Variants in IGSF21 observed in about 807,000 individuals in gnomAD.
IGSF21 encodes immunoglobin superfamily member 21.
A neutral mutation model predicts 46.8 loss-of-function variants in IGSF21; 28 were observed. The observed-to-expected ratio is 0.60, with a 90% CI of 0.44 to 0.82. IGSF21 has a LOEUF of 0.82. Among genes scored for constraint, IGSF21 ranks in the 40% least tolerant of loss-of-function variants. The pLI is 0.00. For missense variants in IGSF21, 624 were observed against 665.5 expected, an observed-to-expected ratio of 0.94 and a Z score of 0.69; for synonymous variants, 284 against 273.6, an observed-to-expected ratio of 1.04 and a Z score of -0.38.
chr1:18,301,465 G>A (rs572715150), intron 3 of IGSF21, among the ~76,000 whole-genome samples: 4 of 152,160 alleles, frequency 2.6e-5, no homozygotes, highest in African/African-American at 4.8e-5. Context: ...TCAGCCTCCC[G>A]AGTAGCTGGG....
At chr1:18,329,814 C>T (rs2085694496) in intron 3 of IGSF21, among the ~76,000 whole-genome samples, 1 of 152,234 alleles carries the variant, frequency 6.6e-6, no homozygotes, top group Non-Finnish European at 1.5e-5. Flanking sequence ...AGGTGGATGG[C>T]CCACAGCCCT....
chr1:18,272,542 C>T (rs752729224), intron 2 of IGSF21, among the ~76,000 whole-genome samples: 23 of 152,246 alleles, frequency 1.5e-4, no homozygotes, highest in Non-Finnish European at 2.5e-4. Flanking sequence ...CGCACTTCCA[C>T]TGTTGTCATC....
chr1:18,253,066 T>C (rs574563198), intron 2 of IGSF21, among the ~76,000 whole-genome samples: 1 of 152,092 alleles, frequency 6.6e-6, no homozygotes, highest in Non-Finnish European at 1.5e-5. Context: ...CTGTGTCACC[T>C]TGTAAAAGCC....
chr1:18,195,586 TGTC>T (rs149438206), intron 1 of IGSF21, among the ~76,000 whole-genome samples: 16,351 of 152,232 alleles, frequency 0.11, 1,296 homozygotes, highest in Admixed American at 0.28. Flanking sequence ...CCAGCCCTGT[TGTC>T]TGTGCCTCTC....
intron 1 of IGSF21, among the ~76,000 whole-genome samples, chr1:18,159,066 C>T (rs988002808): frequency 2.0e-5 from 3 of 152,136 alleles, no homozygotes; most frequent in East Asian, 1.9e-4. Flanking sequence ...TGGGTTTGGT[C>T]GCCTCTCTGC....
intron 2 of IGSF21, among the ~76,000 whole-genome samples, chr1:18,289,681 G>T (rs1366179455): frequency 6.6e-6 from 1 of 152,184 alleles, no homozygotes; most frequent in Non-Finnish European, 1.5e-5. Context: ...GCAAGGGGCT[G>T]TCCTGGACAT....
intron 2 of IGSF21, among the ~76,000 whole-genome samples, chr1:18,264,160 G>C (rs560661534): frequency 6.6e-6 from 1 of 152,078 alleles, no homozygotes; most frequent in East Asian, 1.9e-4. Flanking sequence ...AAATTCCCAG[G>C]AGTCTGCAGT....
intron 4 of IGSF21, among the ~76,000 whole-genome samples, chr1:18,354,992 A>C (rs4920314): frequency 6.6e-6 from 1 of 151,828 alleles, no homozygotes; most frequent in South Asian, 2.1e-4. Flanking sequence ...AGAGGCTGGC[A>C]GGGTATGTCT....
intron 3 of IGSF21, among the ~76,000 whole-genome samples, chr1:18,299,912 CTCAGCAGCCT>C (rs1314551492): frequency 1.3e-5 from 2 of 152,230 alleles, no homozygotes; most frequent in African/African-American, 2.4e-5. Context: ...TAGGGGGATG[CTCAGCAGCCT>C]TCAGCAGCCT....
At chr1:18,240,591 G>A (rs1165148056) in intron 2 of IGSF21, among the ~76,000 whole-genome samples, 2 of 152,228 alleles carry the variant, frequency 1.3e-5, no homozygotes, top group Non-Finnish European at 2.9e-5. Context: ...ACATAGCTTA[G>A]AGGATGGATG....
chr1:18,256,534 G>C (rs2084894126), intron 2 of IGSF21, among the ~76,000 whole-genome samples: 1 of 152,118 alleles, frequency 6.6e-6, no homozygotes, highest in Non-Finnish European at 1.5e-5. Context: ...GTTTCAGCAA[G>C]GGGCAGCCTC....
intron 2 of IGSF21, among the ~76,000 whole-genome samples, chr1:18,266,768 G>A (rs1410493358): frequency 6.6e-6 from 1 of 152,190 alleles, no homozygotes; most frequent in Non-Finnish European, 1.5e-5. Flanking sequence ...GACCCAAGAA[G>A]TCGTGAAAAT....
At chr1:18,242,495 C>T (rs534383158) in intron 2 of IGSF21, among the ~76,000 whole-genome samples, 320 of 152,242 alleles carry the variant, frequency 2.1e-3, no homozygotes, top group Admixed American at 3.3e-3. Flanking sequence ...GGTAGAGTAA[C>T]TCAAATGAGT....
At chr1:18,161,497 C>T (rs763560613) in intron 1 of IGSF21, among the ~76,000 whole-genome samples, 113 of 152,082 alleles carry the variant, frequency 7.4e-4, no homozygotes, top group Non-Finnish European at 1.5e-3. Flanking sequence ...ACCTTCCCCC[C>T]AGCCCACTTT....
chr1:18,373,817 A>T (rs2086252809), intron 6 of IGSF21, among the ~76,000 whole-genome samples: 2 of 152,190 alleles, frequency 1.3e-5, no homozygotes, highest in South Asian at 4.1e-4. Context: ...GACCTGCACA[A>T]TGGGTTTCGT....
chr1:18,287,350 C>T (rs1033706374), intron 2 of IGSF21, among the ~76,000 whole-genome samples: 3 of 151,806 alleles, frequency 2.0e-5, no homozygotes, highest in Admixed American at 6.6e-5. Context: ...GAGCTGAGAT[C>T]GTGCCACTAC....
chr1:18,123,798 T>C (rs1156593414), intron 1 of IGSF21, among the ~76,000 whole-genome samples: 2 of 152,118 alleles, frequency 1.3e-5, no homozygotes, highest in African/African-American at 4.8e-5. Context: ...AGGATGTGTA[T>C]TGCAGGTAAG....
chr1:18,332,169 A>G (rs1297036243), intron 3 of IGSF21, among the ~76,000 whole-genome samples: 1 of 152,244 alleles, frequency 6.6e-6, no homozygotes, highest in Non-Finnish European at 1.5e-5. Context: ...TTGCCTAAAC[A>G]TGACACCTGT....
chr1:18,372,515 A>T (rs200694123), intron 6 of IGSF21, among the ~76,000 whole-genome samples: 3 of 140,052 alleles, frequency 2.1e-5, no homozygotes, highest in Middle Eastern at 3.9e-3. Flanking sequence ...GATGGATGGA[A>T]GGATGGATGG....
Sources: gnomAD v4.1 joint callset for allele counts (sites outside exome capture counted in the v4.1 genomes callset) on GRCh38, gnomAD v4.1.1 for gene constraint, MANE v1.5 for transcripts, NCBI Gene and HGNC (gene_info 2026-07-23, HGNC 2026-07-21) for gene names.